The following BRINP3 variants were observed in gnomAD, a reference collection of about 807,000 sequenced individuals.
BRINP3 encodes BMP/retinoic acid-inducible neural-specific protein 3.
In BRINP3, 19 loss-of-function variants were observed where a neutral mutation model predicts 71.0. The ratio of observed to expected loss-of-function variants is 0.27; its 90% CI spans 0.19 to 0.39. BRINP3 has a LOEUF of 0.39. Among genes scored for constraint, BRINP3 ranks in the 10% least tolerant of loss-of-function variants. The pLI is 1.00. For synonymous variants in BRINP3, 380 were observed against 337.7 expected, an observed-to-expected ratio of 1.13 and a Z score of -1.37; for missense variants, 959 against 940.8, an observed-to-expected ratio of 1.02 and a Z score of -0.25.
At chr1:190,294,740 C>T (rs970607272) in intron 2 of BRINP3, among the ~76,000 whole-genome samples, 9 of 151,888 alleles carry the variant, frequency 5.9e-5, no homozygotes, top group African/African-American at 2.2e-4. Context: ...CTTGTTTGTA[C>T]CTGTCCTTCT....
chr1:190,132,046 A>G (rs1654588336), intron 7 of BRINP3, among the ~76,000 whole-genome samples: 1 of 152,046 alleles, frequency 6.6e-6, no homozygotes, highest in South Asian at 2.1e-4. Context: ...AATTGTCTGT[A>G]ATCTAAGCAT....
intron 2 of BRINP3, among the ~76,000 whole-genome samples, chr1:190,310,103 G>GTTT (rs5779519): frequency 7.2e-6 from 1 of 138,672 alleles, no homozygotes; most frequent in South Asian, 2.2e-4. Context: ...TGTGGTTGTT[G>GTTT]TTTTTTTTTT....
intron 6 of BRINP3, among the ~76,000 whole-genome samples, chr1:190,161,739 G>T (rs1242195292): frequency 6.6e-6 from 1 of 151,976 alleles, no homozygotes; most frequent in East Asian, 1.9e-4. Flanking sequence ...CAACTAGACG[G>T]TTAATCAACA....
At chr1:190,335,442 A>T (rs1485960085) in intron 2 of BRINP3, among the ~76,000 whole-genome samples, 3 of 151,854 alleles carry the variant, frequency 2.0e-5, no homozygotes, top group African/African-American at 7.2e-5. Flanking sequence ...AAAAATGATA[A>T]TTTTTTACTT....
At chr1:190,364,482 A>AG (rs1669358672) in intron 2 of BRINP3, among the ~76,000 whole-genome samples, 1 of 152,132 alleles carries the variant, frequency 6.6e-6, no homozygotes. Context: ...GGAAAGAGAC[A>AG]GGAACTTGGC....
chr1:190,287,555 C>T (rs1663529804), intron 2 of BRINP3, among the ~76,000 whole-genome samples: 1 of 151,864 alleles, frequency 6.6e-6, no homozygotes, highest in African/African-American at 2.4e-5. Flanking sequence ...GATAAAAGTC[C>T]AATCACAAAT....
chr1:190,246,065 C>T (rs564267619), intron 4 of BRINP3, among the ~76,000 whole-genome samples: 2 of 143,814 alleles, frequency 1.4e-5, no homozygotes, highest in Non-Finnish European at 3.0e-5. Context: ...AATAAACATA[C>T]GTGTGCATGT....
intron 6 of BRINP3, among the ~76,000 whole-genome samples, chr1:190,202,146 G>T (rs1347191519): frequency 2.0e-5 from 3 of 152,146 alleles, no homozygotes; most frequent in African/African-American, 7.2e-5. Flanking sequence ...GTGAAGAGCT[G>T]CCCAAGACCA....
rs777255478 is a variant in BRINP3 at position 190,098,269 on chromosome 1, T to C, written c.2050A>G (p.Ile684Val). The change falls in exon 8 of 8, where the codon ATT becomes GTT. Residue 684 changes from isoleucine to valine, a missense_variant. Transcript: ENST00000367462. ...HFDPEAIRDL[I>V]LQLDYPYTQG... The stretch of plus-strand genomic sequence containing the variant: ...GTATAGGGGTAGTCCAGCTGCAAAA[T>C]CAGGTCCCGAATTGCTTCAGGGTCA... 1.4e-5 allele frequency: 23 copies of C among 1,613,984 alleles called. No individual in the cohort carries two copies. Among genetic ancestry groups the C allele is most frequent in the Non-Finnish European group, 1.5e-5 (18 of 1,180,032 alleles).
At chr1:190,335,042 C>G (rs1278410257) in intron 2 of BRINP3, among the ~76,000 whole-genome samples, 1 of 151,732 alleles carries the variant, frequency 6.6e-6, no homozygotes, top group Non-Finnish European at 1.5e-5. Flanking sequence ...TGTAATTACT[C>G]CCTATTGCTT....
At chr1:190,287,790 T>C (rs932601143) in intron 2 of BRINP3, among the ~76,000 whole-genome samples, 1 of 152,140 alleles carries the variant, frequency 6.6e-6, no homozygotes, top group African/African-American at 2.4e-5. Context: ...TTGAGAAATT[T>C]TTAAAGGATG....
At chr1:190,110,955 C>T (rs1652614150) in intron 7 of BRINP3, among the ~76,000 whole-genome samples, 2 of 151,968 alleles carry the variant, frequency 1.3e-5, no homozygotes, top group African/African-American at 4.8e-5. Context: ...TTAATTGGAT[C>T]ACGTGGTCAG....
intron 2 of BRINP3, among the ~76,000 whole-genome samples, chr1:190,416,887 G>A (rs1438050988): frequency 6.6e-6 from 1 of 152,170 alleles, no homozygotes; most frequent in African/African-American, 2.4e-5. Flanking sequence ...ACCTCAGTAA[G>A]TAGAGACACC....
At chr1:190,103,654 G>C (rs1651890609) in intron 7 of BRINP3, among the ~76,000 whole-genome samples, 1 of 151,994 alleles carries the variant, frequency 6.6e-6, no homozygotes, top group African/African-American at 2.4e-5. Context: ...CATCAATATG[G>C]AGGAATATGT....
chr1:190,150,026 G>C (rs535429334), intron 7 of BRINP3, among the ~76,000 whole-genome samples: 62 of 152,086 alleles, frequency 4.1e-4, no homozygotes, highest in Non-Finnish European at 6.9e-4. Flanking sequence ...AACTTGTGTG[G>C]GCTGCCTAAA....
At position 190,364,432 on chromosome 1, in the gene BRINP3, A is replaced by G. The variant is rs139411041; in HGVS notation, c.237-82682T>C. On this transcript the variant is annotated intron_variant, in intron 2 of 7. Coordinates refer to ENST00000367462, the MANE Select transcript of BRINP3 (RefSeq NM_199051.3). ...TTGGTATTTTCAGTCTCTATATCTG[A>G]TATCAGTATCAGACTATGCAATAAA... Among the ~76,000 whole-genome samples, 321 of 152,164 alleles carry G rather than the reference A, an allele frequency of 2.1e-3. 1 individual carries two copies. Among genetic ancestry groups the G allele is most frequent in the Non-Finnish European group, 2.9e-3 (199 of 67,978 alleles).
intron 2 of BRINP3, among the ~76,000 whole-genome samples, chr1:190,349,083 G>T (rs1668205413): frequency 6.6e-6 from 1 of 152,076 alleles, no homozygotes; most frequent in Admixed American, 6.6e-5. Flanking sequence ...ATCGGCCAGT[G>T]CATGGGATCA....
chr1:190,158,550 C>T (rs1323832876), intron 7 of BRINP3, among the ~76,000 whole-genome samples: 2 of 151,944 alleles, frequency 1.3e-5, no homozygotes, highest in Admixed American at 6.6e-5. Flanking sequence ...ATACCTCAAA[C>T]CTCAGCATCA....
intron 2 of BRINP3, among the ~76,000 whole-genome samples, chr1:190,412,383 G>GAT (rs1241993594): frequency 2.9e-4 from 28 of 96,766 alleles, no homozygotes; most frequent in Middle Eastern, 5.6e-3. Flanking sequence ...ACAAAGAAAA[G>GAT]ATATATATAT....
Sources: gnomAD v4.1 joint callset for allele counts (sites outside exome capture counted in the v4.1 genomes callset) on GRCh38, gnomAD v4.1.1 for gene constraint, MANE v1.5 for transcripts, NCBI Gene and HGNC (gene_info 2026-07-23, HGNC 2026-07-21) for gene names.